Variants in MAPK10 observed in about 807,000 individuals in gnomAD.
The protein encoded by MAPK10 is JNK3 alpha protein kinase.
Under a neutral mutation model 59.3 loss-of-function variants are expected in MAPK10, and 25 were observed. The ratio of observed to expected loss-of-function variants is 0.42; its 90% CI spans 0.31 to 0.59. The LOEUF is 0.59. Ranked by LOEUF, MAPK10 falls within the 20% of genes least tolerant of loss-of-function variation. The pLI is 0.15. For missense variants in MAPK10, 351 were observed against 568.9 expected (o/e 0.62, Z 3.90); for synonymous variants, 190 against 200.5 (o/e 0.95, Z 0.44).
At chr4:86,436,612 C>G (rs1748756668) in intron 1 of MAPK10, among the ~76,000 whole-genome samples, 1 of 151,744 alleles carries the variant, frequency 6.6e-6, no homozygotes, top group South Asian at 2.1e-4. Flanking sequence ...GACTTTGTAC[C>G]CAACAACCTA....
chr4:86,430,319 A>G (rs1747865287), intron 1 of MAPK10, among the ~76,000 whole-genome samples: 1 of 152,240 alleles, frequency 6.6e-6, no homozygotes, highest in Non-Finnish European at 1.5e-5. Flanking sequence ...TCTACAGCAT[A>G]AAGTATGAAT....
At chr4:86,134,676 G>C (rs535961208) in intron 4 of MAPK10, among the ~76,000 whole-genome samples, 1 of 152,174 alleles carries the variant, frequency 6.6e-6, no homozygotes, top group African/African-American at 2.4e-5. Context: ...AAATTGGGGG[G>C]AGGAGCCAAG....
chr4:86,534,879 C>T (rs555198141), intron 1 of MAPK10, among the ~76,000 whole-genome samples: 14 of 152,190 alleles, frequency 9.2e-5, no homozygotes, highest in Middle Eastern at 6.8e-3. Flanking sequence ...GCACTCCAGC[C>T]TGGGTGGCAG....
At chr4:86,166,080 G>T (rs2071611100) in intron 3 of MAPK10, among the ~76,000 whole-genome samples, 1 of 152,204 alleles carries the variant, frequency 6.6e-6, no homozygotes, top group Non-Finnish European at 1.5e-5. Context: ...ACATACGAAG[G>T]TGGGGAACTA....
At chr4:86,573,416 AT>A in intron 1 of MAPK10, among the ~76,000 whole-genome samples, 1 of 152,180 alleles carries the variant, frequency 6.6e-6, no homozygotes, top group East Asian at 1.9e-4. Flanking sequence ...ATTTAATTGA[AT>A]ATATGTGGGC....
chr4:86,581,897 T>TA (rs1762304944), intron 1 of MAPK10, among the ~76,000 whole-genome samples: 4 of 105,766 alleles, frequency 3.8e-5, no homozygotes, highest in African/African-American at 1.1e-4. Context: ...AAGCTATATA[T>TA]ATTATATATA....
intron 2 of MAPK10, among the ~76,000 whole-genome samples, chr4:86,298,550 C>A (rs1003414086): frequency 2.0e-5 from 3 of 152,220 alleles, no homozygotes; most frequent in Non-Finnish European, 2.9e-5. Flanking sequence ...CTTGAACTAA[C>A]AACTGCTCCA....
At chr4:86,413,004 G>C (rs1045064803) in intron 1 of MAPK10, among the ~76,000 whole-genome samples, 2 of 152,172 alleles carry the variant, frequency 1.3e-5, no homozygotes, top group Non-Finnish European at 2.9e-5. Flanking sequence ...GGCATTTTCA[G>C]CTTTTCTGCT....
At chr4:86,234,049 A>G (rs1398982359) in intron 2 of MAPK10, among the ~76,000 whole-genome samples, 1 of 152,162 alleles carries the variant, frequency 6.6e-6, no homozygotes, top group Non-Finnish European at 1.5e-5. Context: ...TATCAAAGTG[A>G]AGCTGCCTGA....
intron 3 of MAPK10, among the ~76,000 whole-genome samples, chr4:86,165,579 T>G (rs2071410229): frequency 8.6e-6 from 1 of 116,456 alleles, no homozygotes; most frequent in African/African-American, 4.0e-5. Context: ...TTTTTTTTTT[T>G]TTTTAGAGAT....
intron 3 of MAPK10, among the ~76,000 whole-genome samples, chr4:86,185,603 A>G (rs561287470): frequency 9.9e-5 from 15 of 152,080 alleles, no homozygotes; most frequent in Admixed American, 2.0e-4. Context: ...TTAAGAGTAA[A>G]CCACTTGGGG....
chr4:86,358,308 GACA>G, intron 1 of MAPK10: 1 of 985,326 alleles, frequency 1.0e-6, no homozygotes. Flanking sequence ...TCCAGGGTCC[GACA>G]ACTAGCCGAT....
rs867703450 is a variant in MAPK10 at position 86,359,304 on chromosome 4, G to C, written c.-122+354C>G. Among the ~76,000 whole-genome samples the C allele has an allele frequency of 4.7e-3, 557 of 119,040 alleles. 7 individuals carry two copies. The highest frequency in any genetic ancestry group is 0.013 in the South Asian group (37 of 2,904). 78.1% of individuals were successfully genotyped at this position (119,040 alleles called of 152,430 possible). A position where few individuals can be genotyped will look rare whatever the true frequency, so the allele number is the denominator to read the frequency against. On this transcript the variant is annotated intron_variant, in intron 1 of 13. Transcript: ENST00000641462. ...TCTCTCTCTCTGTGTGTGTGTGTGT[G>C]TGTGTGTGTGTGTGTGTGTGTGTGT...
chr4:86,579,858 G>A (rs1156574178), intron 1 of MAPK10, among the ~76,000 whole-genome samples: 2 of 152,060 alleles, frequency 1.3e-5, no homozygotes, highest in African/African-American at 4.8e-5. Flanking sequence ...CTGTCACCCA[G>A]GCTGGAGTGC....
At chr4:86,140,794 C>T (rs2063478874) in intron 4 of MAPK10, among the ~76,000 whole-genome samples, 1 of 152,096 alleles carries the variant, frequency 6.6e-6, no homozygotes, top group African/African-American at 2.4e-5. Context: ...CACACACACA[C>T]ACGCATGCAC....
At chr4:86,468,379 G>T (rs140070827) in intron 1 of MAPK10, among the ~76,000 whole-genome samples, 9 of 152,058 alleles carry the variant, frequency 5.9e-5, no homozygotes, top group Non-Finnish European at 1.2e-4. Context: ...TCAAATAATG[G>T]CTCTCCTTAC....
intron 2 of MAPK10, among the ~76,000 whole-genome samples, chr4:86,257,812 C>T (rs563474139): frequency 6.6e-6 from 1 of 152,272 alleles, no homozygotes; most frequent in Admixed American, 6.5e-5. Context: ...TTTAATCTCT[C>T]CATTTGTTCC....
chr4:86,574,750 G>A (rs1288419865), intron 1 of MAPK10, among the ~76,000 whole-genome samples: 1 of 152,080 alleles, frequency 6.6e-6, no homozygotes, highest in African/African-American at 2.4e-5. Flanking sequence ...AATTTTAGTA[G>A]AATTTTAAAT....
intron 1 of MAPK10, among the ~76,000 whole-genome samples, chr4:86,464,441 T>A (rs1372860335): frequency 1.3e-5 from 2 of 152,236 alleles, no homozygotes; most frequent in Non-Finnish European, 2.9e-5. Flanking sequence ...TTCCACACAA[T>A]TAATTGAAAA....
Sources: allele counts gnomAD v4.1 joint callset (sites outside exome capture counted in the v4.1 genomes callset), GRCh38; gene constraint gnomAD v4.1.1; transcripts MANE v1.5; gene names NCBI Gene and HGNC (gene_info 2026-07-23, HGNC 2026-07-21).